UBR3: variants seen among roughly 807,000 people sequenced by gnomAD.
UBR3 encodes the protein ubiquitin protein ligase E3 component n-recognin 3.
Under a neutral mutation model 243.2 loss-of-function variants are expected in UBR3, and 85 were observed. The observed-to-expected ratio is 0.35, with a 90% CI of 0.29 to 0.42. The LOEUF (loss-of-function observed/expected upper bound fraction) is 0.42, where lower values mean the gene tolerates loss of function less well. Ranked by LOEUF, UBR3 falls within the 10% of genes least tolerant of loss-of-function variation. UBR3 has a pLI of 1.00. For synonymous variants in UBR3, 748 were observed against 799.8 expected (o/e 0.94, Z 1.09); for missense variants, 1,686 against 2,300.8 (o/e 0.73, Z 5.47).
chr2:169,898,361 A>G (rs915365140), intron 8 of UBR3, among the ~76,000 whole-genome samples: 8 of 152,234 alleles, frequency 5.3e-5, no homozygotes, highest in African/African-American at 1.7e-4. Flanking sequence ...CTAGCTAATT[A>G]TGATAGCTAC....
At chr2:169,882,161 TATC>T (rs903995702) in intron 5 of UBR3, among the ~76,000 whole-genome samples, 22 of 131,880 alleles carry the variant, frequency 1.7e-4, no homozygotes, top group African/African-American at 5.2e-4. Flanking sequence ...TATATATATT[TATC>T]ATATTTATAT....
intron 19 of UBR3, among the ~76,000 whole-genome samples, chr2:169,934,687 A>C (rs1201690023): frequency 1.3e-5 from 2 of 152,226 alleles, no homozygotes; most frequent in Non-Finnish European, 2.9e-5. Context: ...GGTCAGATAA[A>C]TTTAAACTTT....
At chr2:169,935,430 T>C (rs2086289802) in intron 19 of UBR3, among the ~76,000 whole-genome samples, 1 of 152,182 alleles carries the variant, frequency 6.6e-6, no homozygotes, top group South Asian at 2.1e-4. Context: ...CAGCCGCCCA[T>C]AGTGCTAGGA....
chr2:170,079,805 A>T lies in UBR3; in HGVS notation c.5200-9A>T. ...TAAAACTAATGAATATTTTTGGATA[A>T]TGTTTTAGGCCTTGCTTATCCAAGA... On this transcript the variant is annotated splice_polypyrimidine_tract_variant and intron_variant, in intron 36 of 38. Transcript: ENST00000272793. 1 of 1,600,118 alleles carries T rather than the reference A, an allele frequency of 6.2e-7. No homozygotes were observed. The highest frequency in any genetic ancestry group is 1.1e-5 in the South Asian group (1 of 88,078).
At position 170,055,550 on chromosome 2, in the gene UBR3, G is replaced by C; in HGVS notation, c.4751G>C (p.Arg1584Thr). Residue 1584 changes from arginine to threonine, a missense_variant, in exon 33 of 39, where the codon AGG becomes ACG. This residue lies in a region of UBR3 where 371 missense variants were observed against 422.5 expected (regional missense o/e 0.88). Coordinates refer to ENST00000272793, the MANE Select transcript of UBR3 (RefSeq NM_172070.4). ...ALSVKCSEED[R>T]SAWKHAGALK... is the part of the protein sequence containing the mutation. ...TCAGTTAAATGCAGCGAAGAAGATA[G>C]GTCAGCCTGGAAACACGCGGGAGCT... The C allele has an allele frequency of 6.2e-7, 1 of 1,613,580 alleles. No individual in the cohort carries two copies. The highest frequency in any genetic ancestry group is 8.5e-7 in the Non-Finnish European group (1 of 1,179,630).
At chr2:169,986,895 C>T in intron 25 of UBR3, 101 bp downstream of exon 25, 5 of 1,279,910 alleles carry the variant, frequency 3.9e-6, no homozygotes, top group Non-Finnish European at 5.3e-6. Context: ...TCTTTGTCTA[C>T]TTATAACTAG....
intron 1 of UBR3, among the ~76,000 whole-genome samples, chr2:169,834,749 T>G (rs1157603598): frequency 6.6e-6 from 1 of 152,236 alleles, no homozygotes; most frequent in Non-Finnish European, 1.5e-5. Context: ...ATGTGAACTC[T>G]AAAACATAAC....
chr2:169,879,854 A>G (rs142589898), intron 5 of UBR3, among the ~76,000 whole-genome samples: 272 of 152,320 alleles, frequency 1.8e-3, no homozygotes, highest in African/African-American at 6.2e-3. Flanking sequence ...TGTTACAATG[A>G]CAAATGGGAA....
At chr2:169,849,239 C>T (rs1043450006) in intron 1 of UBR3, among the ~76,000 whole-genome samples, 2 of 152,068 alleles carry the variant, frequency 1.3e-5, no homozygotes, top group African/African-American at 4.8e-5. Flanking sequence ...CTACTGGGCT[C>T]AATGAACACA....
chr2:169,945,433 T>G (rs770386864), intron 20 of UBR3, among the ~76,000 whole-genome samples: 9 of 152,178 alleles, frequency 5.9e-5, no homozygotes, highest in Non-Finnish European at 1.0e-4. Context: ...AGGTTAGGTC[T>G]TAAGCAATTA....
chr2:170,025,441 G>A (rs1025166509), intron 30 of UBR3, among the ~76,000 whole-genome samples: 41 of 152,130 alleles, frequency 2.7e-4, no homozygotes, highest in Admixed American at 6.6e-5. Flanking sequence ...TCTAGGCTGA[G>A]AGAACAGCTT....
In UBR3 at chr2:169,905,289, T is replaced by C. The variant is rs912139810; in HGVS notation, c.1641T>C (p.Phe547=). Residue 547 remains phenylalanine, a synonymous_variant, in exon 9 of 39, where the codon TTT becomes TTC. Transcript: ENST00000272793. ...LVTWMNFVSF[F]QGMNLNKREL... The stretch of plus-strand genomic sequence containing the variant: ...CATGGATGAACTTTGTATCTTTCTT[T>C]CAAGGTATGAATTTTATCCCTTTGT... The C allele has an allele frequency of 2.6e-6, 4 of 1,512,522 alleles. No homozygotes were observed. The highest frequency in any genetic ancestry group is 3.5e-6 in the Non-Finnish European group (4 of 1,131,182). 93.7% of individuals were successfully genotyped at this position (1,512,522 alleles called of 1,614,324 possible). A position where few individuals can be genotyped will look rare whatever the true frequency, so the allele number is the denominator to read the frequency against.
intron 29 of UBR3, among the ~76,000 whole-genome samples, chr2:170,013,629 T>G (rs1298782813): frequency 6.6e-6 from 1 of 152,112 alleles, no homozygotes; most frequent in Non-Finnish European, 1.5e-5. Context: ...GTAATATGTT[T>G]GTCATCCGTT....
chr2:169,918,307 C>CTT (rs35089044), intron 11 of UBR3, among the ~76,000 whole-genome samples: 37,724 of 141,530 alleles, frequency 0.27, 5,586 homozygotes, highest in East Asian at 0.42. Context: ...TATATTTTTA[C>CTT]TTTTTTTTTT....
Position 169,913,766 on chromosome 2 carries a change from T to TA in UBR3, c.1780-294_1780-293insA, listed in dbSNP as rs1553510337. Among the ~76,000 whole-genome samples, 87 of 151,362 alleles carry TA rather than the reference T, an allele frequency of 5.7e-4. 1 individual carries two copies. The highest frequency in any genetic ancestry group is 1.1e-3 in the Non-Finnish European group (72 of 67,840). ...TGACATTAGGGAATTTATAATAAAT[T>TA]GGGGGGGGTGTCTCTTGAAATGGAG... On this transcript the variant is annotated intron_variant, in intron 10 of 38. Transcript: ENST00000272793.
chr2:169,832,852 G>A (rs1372375985), intron 1 of UBR3, among the ~76,000 whole-genome samples: 2 of 151,422 alleles, frequency 1.3e-5, no homozygotes, highest in African/African-American at 2.4e-5. Flanking sequence ...AGAATTGCTT[G>A]AACCCAGGAG....
rs2086291354 is a variant in UBR3, at chr2:169,935,473, ATGTC to A, written c.2663+2468_2663+2471del. Among the ~76,000 whole-genome samples the A allele has an allele frequency of 2.0e-5, 3 of 152,306 alleles. No homozygotes were observed. In the South Asian group the frequency reaches 6.2e-4, roughly 32 times the overall value. On this transcript the variant is annotated intron_variant, in intron 19 of 38. Coordinates refer to ENST00000272793, the MANE Select transcript of UBR3 (RefSeq NM_172070.4). ...TGTGAGCCATTGTGCCCAGTGAAATATGTCTGACAGTGGCAGTGTTGTTAGAACT... is the reference window on the plus strand; with the variant it reads ...TGTGAGCCATTGTGCCCAGTGAAATATGACAGTGGCAGTGTTGTTAGAACT...
At chr2:169,845,509 C>T (rs1372389170) in intron 1 of UBR3, among the ~76,000 whole-genome samples, 1 of 137,080 alleles carries the variant, frequency 7.3e-6, no homozygotes, top group Admixed American at 7.1e-5. Context: ...TCATCGTCGT[C>T]GTCGTCGTCG....
At chr2:169,941,811 A>T (rs1427884293) in intron 19 of UBR3, among the ~76,000 whole-genome samples, 1 of 152,226 alleles carries the variant, frequency 6.6e-6, no homozygotes, top group Non-Finnish European at 1.5e-5. Flanking sequence ...ATACAAGTTC[A>T]TAATTATCTT....
Sources: allele counts gnomAD v4.1 joint callset (sites outside exome capture counted in the v4.1 genomes callset), GRCh38; gene constraint gnomAD v4.1.1; regional missense constraint gnomAD v4.1.1; transcripts MANE v1.5; gene names NCBI Gene and HGNC (gene_info 2026-07-23, HGNC 2026-07-21).